OR52K1: variants seen among roughly 807,000 people sequenced by gnomAD.
OR52K1 encodes the protein olfactory receptor family 52 subfamily K member 1, also known as olfactory receptor 52K1.
In OR52K1, 10 loss-of-function variants were observed where a neutral mutation model predicts 8.7. The observed-to-expected ratio is 1.15, with a 90% confidence interval of 0.71 to 1.95. The LOEUF is 1.95. Ranked by LOEUF, OR52K1 falls within the 30% of genes most tolerant of loss-of-function variation. OR52K1 has a pLI of 0.00. For missense variants in OR52K1, 431 were observed against 397.2 expected (o/e 1.08, Z -0.72); for synonymous variants, 203 against 148.5 (o/e 1.37, Z -2.67).
chr11:4,489,416 A>G lies in OR52K1; in HGVS notation c.516A>G (p.Arg172=), dbSNP rs776559319. Residue 172 remains arginine (R), a synonymous_variant, in exon 2 of 2, where the codon CGA becomes CGG. Coordinates refer to ENST00000641528, the MANE Select transcript of OR52K1 (RefSeq NM_001005171.3). The part of the protein sequence containing the change: ...PFLLRRFHYC[R]GPVIAHCYCE... ...TGCTCAGACGCTTCCACTACTGCCG[A>G]GGCCCAGTGATTGCCCATTGCTACT... The G allele has an allele frequency of 9.3e-6, 15 of 1,614,062 alleles. No individual in the cohort carries two copies. Among genetic ancestry groups the G allele is most frequent in the Non-Finnish European group, 1.1e-5 (13 of 1,180,044 alleles).
Position 4,493,203 on chromosome 11 carries a change from T to A in OR52K1, c.*3358T>A, listed in dbSNP as rs1446636902. 2 of 152,256 alleles carry A rather than the reference T, an allele frequency of 1.3e-5. No homozygotes were observed. The highest frequency in any genetic ancestry group is 4.8e-5 in the African/African-American group (2 of 41,456). 9.4% of individuals were successfully genotyped at this position (152,256 alleles called of 1,614,324 possible). Reference sequence around the variant, plus strand: ...CTGCTGAAGCACAGCATCACAGGGATGCTGGATGCTGTGGCCTCCAGATGG... The same window carrying A: ...CTGCTGAAGCACAGCATCACAGGGAAGCTGGATGCTGTGGCCTCCAGATGG... On this transcript the variant is annotated 3_prime_UTR_variant, in exon 2 of 2. Coordinates refer to ENST00000641528, the MANE Select transcript of OR52K1 (RefSeq NM_001005171.3).
Position 4,489,919 on chromosome 11 carries a change from A to G in OR52K1, c.*74A>G. On this transcript the variant is annotated 3_prime_UTR_variant, in exon 2 of 2. Transcript: ENST00000641528. ...GGATTGGGGTTGAGGGGAAAAATCT[A>G]AATAGGAAAATTGCAGAGTATCTTT... The G allele has an allele frequency of 9.7e-7, 1 of 1,035,100 alleles. No homozygotes were observed. Among genetic ancestry groups the G allele is most frequent in the Non-Finnish European group, 1.4e-6 (1 of 704,378 alleles). 64.1% of individuals were successfully genotyped at this position (1,035,100 alleles called of 1,614,324 possible). A position where few individuals can be genotyped will look rare whatever the true frequency, so the allele number is the denominator to read the frequency against.
chr11:4,490,807 T>C lies in OR52K1; in HGVS notation c.*962T>C, dbSNP rs1402133717. On this transcript the variant is annotated 3_prime_UTR_variant, in exon 2 of 2. Coordinates refer to ENST00000641528, the MANE Select transcript of OR52K1 (RefSeq NM_001005171.3). ...CAGGTTTGTTATCTAGGTAAAGCCA[T>C]GTTATGGGGGTTTTGTTGTACAGAT... 1 of 152,206 alleles carries C rather than the reference T, an allele frequency of 6.6e-6. No homozygotes were observed. Among genetic ancestry groups the C allele is most frequent in the African/African-American group, 2.4e-5 (1 of 41,454 alleles). The allele number at this position is 152,206 out of a possible 1,614,324, so 9.4% of individuals were successfully genotyped here.
At position 4,488,951 on chromosome 11, in the gene OR52K1, A is replaced by G; in HGVS notation, c.51A>G (p.Val17=). 3 of 1,613,960 alleles carry G rather than the reference A, an allele frequency of 1.9e-6. No individual in the cohort carries two copies. Among genetic ancestry groups the G allele is most frequent in the Non-Finnish European group, 2.5e-6 (3 of 1,179,902 alleles). ...CACATCCAGCTGTCTTTTTGTTGGT[A>G]GGAATTCCTGGTTTGGAACACCTGC... ...TSTHPAVFLL[V]GIPGLEHLHA... is the part of the protein sequence containing the mutation. Residue 17 remains valine, a synonymous_variant, in exon 2 of 2, where the codon GTA becomes GTG. Transcript: ENST00000641528.
intron 1 of OR52K1, among the ~76,000 whole-genome samples, chr11:4,488,114 G>A (rs927276506): frequency 2.0e-5 from 3 of 152,110 alleles, no homozygotes; most frequent in Admixed American, 6.5e-5. Context: ...AAAAAAGGAC[G>A]TTTCATTTTC....
At position 4,488,835 on chromosome 11, in the gene OR52K1, C is replaced by G. The variant is rs930361534; in HGVS notation, c.-66C>G. On this transcript the variant is annotated 5_prime_UTR_variant, in exon 2 of 2. Coordinates refer to ENST00000641528, the MANE Select transcript of OR52K1 (RefSeq NM_001005171.3). ...ACAGGTTGAACTCTAATCATATATA[C>G]TGTAGAAGGTATATATAGAAGGTGA... 1 of 1,102,682 alleles carries G rather than the reference C, an allele frequency of 9.1e-7. No individual in the cohort carries two copies. The highest frequency in any genetic ancestry group is 1.4e-6 in the Non-Finnish European group (1 of 740,078). The allele number at this position is 1,102,682 out of a possible 1,614,324, so 68.3% of individuals were successfully genotyped here.
chr11:4,490,065 CAT>C lies in OR52K1; in HGVS notation c.*222_*223del. 3.7e-6 allele frequency: 2 copies of C among 536,094 alleles called. No homozygotes were observed. The highest frequency in any genetic ancestry group is 6.3e-5 in the East Asian group (2 of 31,730). The allele number at this position is 536,094 out of a possible 1,614,324, so 33.2% of individuals were successfully genotyped here. ...AGTAGAGGTTTGACCTTCCCATTGT[CAT>C]AGACTCATCACATGGCTAAGGAAGA... On this transcript the variant is annotated 3_prime_UTR_variant, in exon 2 of 2. Transcript: ENST00000641528.
At chr11:4,488,407 G>A (rs1378721499) in intron 1 of OR52K1, among the ~76,000 whole-genome samples, 166 bp from the exon 2 acceptor site, 1 of 152,088 alleles carries the variant, frequency 6.6e-6, no homozygotes, top group Non-Finnish European at 1.5e-5. Context: ...GATTAATTTG[G>A]GCATTAGAAA....
In OR52K1 at chr11:4,489,725, C is replaced by T. The variant is rs1846356921; in HGVS notation, c.825C>T (p.His275=). The T allele has an allele frequency of 1.9e-6, 3 of 1,614,094 alleles. No homozygotes were observed. Among genetic ancestry groups the T allele is most frequent in the Non-Finnish European group, 2.5e-6 (3 of 1,180,020 alleles). Residue 275 remains histidine, a synonymous_variant, in exon 2 of 2, where the codon CAC becomes CAT. Transcript: ENST00000641528. ...RVARHAAPRV[H]ILLAIFYLLF... ...CCCGCCATGCTGCCCCTCGTGTCCA[C>T]ATACTCCTTGCTATTTTCTATCTCC...
intron 1 of OR52K1, among the ~76,000 whole-genome samples, chr11:4,484,174 TAG>T (rs1210230742): frequency 6.6e-6 from 1 of 152,142 alleles, no homozygotes; most frequent in African/African-American, 2.4e-5. Flanking sequence ...GGAAAATAGG[TAG>T]AGTTTCTTAA....
rs376395151 is a variant in OR52K1, at chr11:4,489,127, C to T, written c.227C>T (p.Ser76Phe). ...TTGGCAACCATTGACTTGGTTCTTTCTTCTACAACGCTGCCCAAAATGCTT... is the reference window on the plus strand; with the variant it reads ...TTGGCAACCATTGACTTGGTTCTTTTTTCTACAACGCTGCCCAAAATGCTT... The part of the protein sequence containing the change: ...AMLATIDLVL[S>F]STTLPKMLAI... The change falls in exon 2 of 2, where the codon TCT (serine) becomes TTT (phenylalanine). Residue 76 changes from serine (S) to phenylalanine (F), a missense_variant. Physicochemically the swap from Ser to Phe is radical, Grantham distance 155 (BLOSUM62 -2). Coordinates refer to ENST00000641528, the MANE Select transcript of OR52K1 (RefSeq NM_001005171.3). 8 of 1,614,094 alleles carry T rather than the reference C, an allele frequency of 5.0e-6. No homozygotes were observed. The highest frequency in any genetic ancestry group is 4.5e-5 in the East Asian group (2 of 44,890).
rs1358029492 is a variant in OR52K1 at position 4,488,995 on chromosome 11, C to T, written c.95C>T (p.Pro32Leu). The T allele has an allele frequency of 2.5e-6, 4 of 1,614,056 alleles. No homozygotes were observed. The highest frequency in any genetic ancestry group is 3.4e-6 in the Non-Finnish European group (4 of 1,180,028). The part of the protein sequence containing the change: ...LEHLHAWISI[P>L]FCFAYTLALL... ...CACCTGCATGCCTGGATCTCCATCC[C>T]CTTCTGCTTTGCTTATACTCTGGCC... Residue 32 changes from proline (P) to leucine (L), a missense_variant, in exon 2 of 2, where the codon CCC becomes CTC. Coordinates refer to ENST00000641528, the MANE Select transcript of OR52K1 (RefSeq NM_001005171.3).
Position 4,489,745 on chromosome 11 carries a change from A to G in OR52K1, c.845A>G (p.Tyr282Cys), listed in dbSNP as rs112659807. 6.2e-7 allele frequency: 1 copy of G among 1,614,064 alleles called. No individual in the cohort carries two copies. The highest frequency in any genetic ancestry group is 8.5e-7 in the Non-Finnish European group (1 of 1,180,014). Reference protein sequence around the residue: ...PRVHILLAIFYLLFPPMVNPI... With the variant: ...PRVHILLAIFCLLFPPMVNPI... Reference sequence around the variant, plus strand: ...GTCCACATACTCCTTGCTATTTTCTATCTCCTTTTCCCACCCATGGTCAAT... The same window carrying G: ...GTCCACATACTCCTTGCTATTTTCTGTCTCCTTTTCCCACCCATGGTCAAT... The change falls in exon 2 of 2, where the codon TAT (tyrosine) becomes TGT (cysteine). Residue 282 changes from tyrosine (Y) to cysteine (C), a missense_variant. By Grantham distance (194) the Tyr-to-Cys change is radical. Transcript: ENST00000641528.
chr11:4,484,833 G>GACAC (rs57428088), intron 1 of OR52K1, among the ~76,000 whole-genome samples: 14,455 of 113,476 alleles, frequency 0.13, 732 homozygotes, highest in East Asian at 0.22. Context: ...AAAACACACA[G>GACAC]ACACACACAC....
chr11:4,489,920 A>G lies in OR52K1; in HGVS notation c.*75A>G, dbSNP rs1846359868. ...GATTGGGGTTGAGGGGAAAAATCTA[A>G]ATAGGAAAATTGCAGAGTATCTTTG... On this transcript the variant is annotated 3_prime_UTR_variant, in exon 2 of 2. Transcript: ENST00000641528. 6 of 1,034,548 alleles carry G rather than the reference A, an allele frequency of 5.8e-6. No individual in the cohort carries two copies. In the South Asian group the frequency reaches 9.2e-5, roughly 16 times the overall value. 64.1% of individuals were successfully genotyped at this position (1,034,548 alleles called of 1,614,324 possible). A position where few individuals can be genotyped will look rare whatever the true frequency, so the allele number is the denominator to read the frequency against.
At position 4,492,036 on chromosome 11, in the gene OR52K1, A is replaced by G. The variant is rs764366486; in HGVS notation, c.*2191A>G. The G allele has an allele frequency of 2.6e-5, 4 of 152,054 alleles. No homozygotes were observed. Among genetic ancestry groups the G allele is most frequent in the Non-Finnish European group, 4.4e-5 (3 of 68,020 alleles). 9.4% of individuals were successfully genotyped at this position (152,054 alleles called of 1,614,324 possible). On this transcript the variant is annotated 3_prime_UTR_variant, in exon 2 of 2. Coordinates refer to ENST00000641528, the MANE Select transcript of OR52K1 (RefSeq NM_001005171.3). ...GTGTTATTGCAGAGGTGTGTGATAC[A>G]TATGCACCATGGAATACTATACAGC...
At chr11:4,483,836 T>C (rs1250389424) in intron 1 of OR52K1, among the ~76,000 whole-genome samples, 2 of 152,198 alleles carry the variant, frequency 1.3e-5, no homozygotes, top group African/African-American at 4.8e-5. Flanking sequence ...GGCATGTTTC[T>C]AGGTACTGAT....
chr11:4,483,933 T>G (rs905148323), intron 1 of OR52K1, among the ~76,000 whole-genome samples: 1 of 152,152 alleles, frequency 6.6e-6, no homozygotes, highest in African/African-American at 2.4e-5. Flanking sequence ...AAAATAGTAT[T>G]TTCCATTAAG....
At chr11:4,484,845 C>G (rs1846308520) in intron 1 of OR52K1, among the ~76,000 whole-genome samples, 1 of 151,504 alleles carries the variant, frequency 6.6e-6, no homozygotes, top group South Asian at 2.1e-4. Flanking sequence ...CACACACACA[C>G]ACACACACAC....
Sources: gnomAD v4.1 joint callset for allele counts (sites outside exome capture counted in the v4.1 genomes callset) on GRCh38, gnomAD v4.1.1 for gene constraint, MANE v1.5 for transcripts, NCBI Gene and HGNC (gene_info 2026-07-23, HGNC 2026-07-21) for gene names.